SIPA1L1: variants seen among roughly 807,000 people sequenced by gnomAD.
The protein encoded by SIPA1L1 is signal induced proliferation associated 1 like 1.
SIPA1L1 carries 26 observed loss-of-function variants against 162.7 expected under a neutral mutation model. The ratio of observed to expected loss-of-function variants is 0.16; its 90% CI spans 0.12 to 0.22. The LOEUF (loss-of-function observed/expected upper bound fraction) is 0.22. SIPA1L1 is among the 10% of genes least tolerant of loss of function. SIPA1L1 has a pLI of 1.00. For missense variants in SIPA1L1, 1,874 were observed against 2,241.0 expected (o/e 0.84, Z 3.31); for synonymous variants, 829 against 837.4 (o/e 0.99, Z 0.17).
chr14:71,553,137 A>G (rs1265424724), intron 4 of SIPA1L1, among the ~76,000 whole-genome samples: 1 of 152,204 alleles, frequency 6.6e-6, no homozygotes, highest in African/African-American at 2.4e-5. Flanking sequence ...TTATACTGAG[A>G]GATAATAATT....
intron 2 of SIPA1L1, among the ~76,000 whole-genome samples, chr14:71,323,098 T>A (rs1294576359): frequency 1.3e-5 from 2 of 152,258 alleles, no homozygotes; most frequent in Non-Finnish European, 2.9e-5. Flanking sequence ...TGCATTTGCT[T>A]TGCTTTTGCT....
intron 12 of SIPA1L1, among the ~76,000 whole-genome samples, chr14:71,680,021 C>CAAT (rs557157219): frequency 0.011 from 1,744 of 152,188 alleles, 34 homozygotes; most frequent in African/African-American, 0.04. Context: ...TTAGACAGAT[C>CAAT]GAGACAGAAA....
At chr14:71,467,273 A>G (rs2047075412) in intron 2 of SIPA1L1, 1 of 152,210 alleles carries the variant, frequency 6.6e-6, no homozygotes, top group East Asian at 1.9e-4. Flanking sequence ...GTCTTTGTAG[A>G]TATCAGGTTA....
intron 2 of SIPA1L1, among the ~76,000 whole-genome samples, chr14:71,478,848 C>G (rs2048093673): frequency 6.6e-6 from 1 of 152,046 alleles, no homozygotes; most frequent in Non-Finnish European, 1.5e-5. Context: ...GATCAGAGCT[C>G]CTCTGATCAG....
intron 2 of SIPA1L1, among the ~76,000 whole-genome samples, chr14:71,338,844 A>G (rs909600876): frequency 2.0e-5 from 3 of 151,786 alleles, no homozygotes; most frequent in South Asian, 2.1e-4. Context: ...GGTTCAAGCA[A>G]TTCTCCTTCC....
intron 2 of SIPA1L1, among the ~76,000 whole-genome samples, chr14:71,479,804 G>T (rs568438886): frequency 1.3e-5 from 2 of 152,184 alleles, no homozygotes; most frequent in East Asian, 3.9e-4. Context: ...ATGGTTTACT[G>T]CAGCCCTGAC....
intron 2 of SIPA1L1, among the ~76,000 whole-genome samples, chr14:71,353,816 T>C (rs746984625): frequency 4.3e-4 from 66 of 152,172 alleles, no homozygotes; most frequent in Non-Finnish European, 7.9e-4. Context: ...ATTTTTTGCC[T>C]GAGCAACTGG....
intron 2 of SIPA1L1, among the ~76,000 whole-genome samples, chr14:71,322,101 A>G (rs2033101684): frequency 6.6e-6 from 1 of 152,242 alleles, no homozygotes; most frequent in Admixed American, 6.5e-5. Context: ...GATGTGATGC[A>G]AATTTCAGAA....
chr14:71,587,095 A>G (rs373803129), intron 4 of SIPA1L1, among the ~76,000 whole-genome samples: 1 of 152,220 alleles, frequency 6.6e-6, no homozygotes, highest in African/African-American at 2.4e-5. Flanking sequence ...AGGAGTTAAA[A>G]AGTGATTGTT....
In SIPA1L1 at chr14:71,442,172, C is replaced by CAAAA. The variant is rs368432068; in HGVS notation, c.-464-70547_-464-70544dup. 1.2e-3 allele frequency among the ~76,000 whole-genome samples: 30 copies of CAAAA among 26,070 alleles called. 2 individuals are homozygous for CAAAA. Among genetic ancestry groups the CAAAA allele is most frequent in the African/African-American group, 3.1e-3 (28 of 8,998 alleles). 17.1% of individuals were successfully genotyped at this position (26,070 alleles called of 152,430 possible). On this transcript the variant is annotated intron_variant, in intron 2 of 23. Coordinates refer to ENST00000381232, the MANE Select transcript of SIPA1L1 (RefSeq NM_001386936.1). ...TGGATGACAGAGCAAGACTCTGTCT[C>CAAAA]AAAAAAAAAAAAAAAAAAAAAAAAA...
chr14:71,431,935 A>G (rs1567015569), intron 2 of SIPA1L1, among the ~76,000 whole-genome samples: 1 of 152,158 alleles, frequency 6.6e-6, no homozygotes, highest in Non-Finnish European at 1.5e-5. Flanking sequence ...GTCTATTTTT[A>G]TGCTTAGGTT....
chr14:71,582,763 A>G (rs1273185131), intron 4 of SIPA1L1, among the ~76,000 whole-genome samples: 1 of 152,234 alleles, frequency 6.6e-6, no homozygotes, highest in East Asian at 1.9e-4. Flanking sequence ...AACTAGATTT[A>G]TCAACTGTTT....
chr14:71,387,216 C>G (rs994700610), intron 2 of SIPA1L1, among the ~76,000 whole-genome samples: 1 of 134,050 alleles, frequency 7.5e-6, no homozygotes, highest in Non-Finnish European at 1.5e-5. Context: ...CCATTGCACT[C>G]CAGCCTGGGC....
chr14:71,634,946 A>T (rs1240888802), intron 7 of SIPA1L1, among the ~76,000 whole-genome samples: 1 of 151,332 alleles, frequency 6.6e-6, no homozygotes, highest in Non-Finnish European at 1.5e-5. Flanking sequence ...AAAAAAAAAA[A>T]AATAGCTAAG....
intron 4 of SIPA1L1, among the ~76,000 whole-genome samples, chr14:71,531,154 A>G (rs1398025047): frequency 6.6e-6 from 1 of 152,112 alleles, no homozygotes; most frequent in Non-Finnish European, 1.5e-5. Flanking sequence ...ATACTTATAG[A>G]TCAATTGTGT....
rs988320275 is a variant in SIPA1L1 at position 71,740,579 on chromosome 14, A to G, written c.*1418A>G. ...ATCTGATTGGAAGTTCCCTCACCCA[A>G]GTAATCTCAATTCCTTCCTCTCTCC... On this transcript the variant is annotated 3_prime_UTR_variant, in exon 24 of 24. Coordinates refer to ENST00000381232, the MANE Select transcript of SIPA1L1 (RefSeq NM_001386936.1). 1 of 152,200 alleles carries G rather than the reference A, an allele frequency of 6.6e-6. No homozygotes were observed. Among genetic ancestry groups the G allele is most frequent in the Admixed American group, 6.5e-5 (1 of 15,276 alleles). The allele number at this position is 152,200 out of a possible 1,614,324, so 9.4% of individuals were successfully genotyped here.
chr14:71,434,595 T>G (rs755060096), intron 2 of SIPA1L1, among the ~76,000 whole-genome samples: 1 of 152,162 alleles, frequency 6.6e-6, no homozygotes, highest in African/African-American at 2.4e-5. Flanking sequence ...TTGGTTTTGT[T>G]TGAGACAGGG....
chr14:71,545,553 C>G (rs1413395269), intron 4 of SIPA1L1, among the ~76,000 whole-genome samples: 1 of 151,960 alleles, frequency 6.6e-6, no homozygotes, highest in Non-Finnish European at 1.5e-5. Flanking sequence ...TGCAAACCTC[C>G]TAAATTCAGT....
At chr14:71,355,970 G>T (rs1417068368) in intron 2 of SIPA1L1, among the ~76,000 whole-genome samples, 1 of 152,168 alleles carries the variant, frequency 6.6e-6, no homozygotes, top group Non-Finnish European at 1.5e-5. Context: ...AGCAGATTGG[G>T]CAGGCTGACA....
Sources: gnomAD v4.1 joint callset for allele counts (sites outside exome capture counted in the v4.1 genomes callset) on GRCh38, gnomAD v4.1.1 for gene constraint, MANE v1.5 for transcripts, NCBI Gene and HGNC (gene_info 2026-07-23, HGNC 2026-07-21) for gene names.